The following TNKS variants were observed in gnomAD, a reference collection of about 807,000 sequenced individuals.
TNKS encodes the protein poly [ADP-ribose] polymerase tankyrase-1.
TNKS carries 72 observed loss-of-function variants against 135.8 expected under a neutral mutation model. The ratio of observed to expected loss-of-function variants is 0.53; its 90% confidence interval spans 0.44 to 0.64. The LOEUF (loss-of-function observed/expected upper bound fraction) is 0.64. TNKS is among the 30% of genes least tolerant of loss of function. The pLI is 0.00. For missense variants in TNKS, 1,769 were observed against 1,674.0 expected, an observed-to-expected ratio of 1.06 and a Z score of -0.99; for synonymous variants, 849 against 649.3, an observed-to-expected ratio of 1.31 and a Z score of -4.68.
At chr8:9,688,760 C>G (rs1399661950) in intron 5 of TNKS, among the ~76,000 whole-genome samples, 1 of 152,202 alleles carries the variant, frequency 6.6e-6, no homozygotes, top group African/African-American at 2.4e-5. Flanking sequence ...CTGCCTCAGC[C>G]TCCTGAGTAG....
intron 3 of TNKS, among the ~76,000 whole-genome samples, chr8:9,623,820 G>A (rs1799955693): frequency 6.6e-6 from 1 of 152,062 alleles, no homozygotes; most frequent in Non-Finnish European, 1.5e-5. Flanking sequence ...TGGCCAACAT[G>A]GTGAAACCCC....
intron 2 of TNKS, among the ~76,000 whole-genome samples, chr8:9,605,176 A>G (rs1022513193): frequency 2.0e-5 from 3 of 151,860 alleles, no homozygotes; most frequent in Non-Finnish European, 4.4e-5. Context: ...TCTGCAGTCA[A>G]TTTTTCTTCT....
chr8:9,655,672 A>G (rs2128783761), intron 3 of TNKS, among the ~76,000 whole-genome samples: 1 of 152,368 alleles, frequency 6.6e-6, no homozygotes, highest in Non-Finnish European at 1.5e-5. Flanking sequence ...ACAGGCCTGC[A>G]GCTGAGGGTC....
chr8:9,609,663 T>C (rs987898751), intron 2 of TNKS, among the ~76,000 whole-genome samples: 17 of 152,322 alleles, frequency 1.1e-4, no homozygotes, highest in African/African-American at 3.6e-4. Flanking sequence ...TCTTGTTAGC[T>C]CATAGATGAT....
At chr8:9,702,939 C>T (rs1803878273) in intron 5 of TNKS, among the ~76,000 whole-genome samples, 1 of 152,074 alleles carries the variant, frequency 6.6e-6, no homozygotes, top group Non-Finnish European at 1.5e-5. Flanking sequence ...TCACTTGAAC[C>T]CGGGAGGCGG....
intron 1 of TNKS, chr8:9,558,975 T>C (rs1390518156): frequency 2.6e-5 from 4 of 152,218 alleles, no homozygotes; most frequent in Non-Finnish European, 5.9e-5. Flanking sequence ...AATTGAATTG[T>C]CACGGAATAG....
intron 2 of TNKS, among the ~76,000 whole-genome samples, chr8:9,609,992 G>T (rs968280069): frequency 6.6e-6 from 1 of 152,048 alleles, no homozygotes; most frequent in Non-Finnish European, 1.5e-5. Context: ...CGAGTAGCTG[G>T]GACTACAGGC....
At chr8:9,753,635 A>T (rs1242042115) in intron 20 of TNKS, among the ~76,000 whole-genome samples, 1 of 152,222 alleles carries the variant, frequency 6.6e-6, no homozygotes, top group Non-Finnish European at 1.5e-5. Context: ...TGGACTATTG[A>T]TATACATGAA....
intron 3 of TNKS, among the ~76,000 whole-genome samples, chr8:9,654,917 C>T (rs545208895): frequency 1.8e-4 from 27 of 152,154 alleles, no homozygotes; most frequent in East Asian, 3.9e-4. Flanking sequence ...GTGGGTGCAA[C>T]GCACCATGCG....
intron 3 of TNKS, among the ~76,000 whole-genome samples, chr8:9,631,864 A>G (rs567412896): frequency 6.6e-6 from 1 of 152,236 alleles, no homozygotes; most frequent in African/African-American, 2.4e-5. Flanking sequence ...CTGAGATGGC[A>G]GTGATACATG....
chr8:9,733,464 A>C lies in TNKS; in HGVS notation c.2313+20A>C. The C allele has an allele frequency of 6.3e-7, 1 of 1,592,030 alleles. No homozygotes were observed. Among genetic ancestry groups the C allele is most frequent in the Non-Finnish European group, 8.6e-7 (1 of 1,166,296 alleles). On this transcript the variant is annotated intron_variant, in intron 15 of 26. Coordinates refer to ENST00000310430, the MANE Select transcript of TNKS (RefSeq NM_003747.3). Reference sequence around the variant, plus strand: ...TTAAAAGTATGTAGTTTAAAAAGTTATGAAATATAACTAATTTTATTTATA... The same window carrying C: ...TTAAAAGTATGTAGTTTAAAAAGTTCTGAAATATAACTAATTTTATTTATA...
chr8:9,612,607 A>G (rs4376499), intron 2 of TNKS, among the ~76,000 whole-genome samples: 15,699 of 152,230 alleles, frequency 0.1, 1,157 homozygotes, highest in East Asian at 0.23. Flanking sequence ...TATAAAATTT[A>G]AGTTTCAAAG....
intron 26 of TNKS, among the ~76,000 whole-genome samples, chr8:9,771,191 AAGGAAGTGAGGG>A (rs779680539): frequency 2.4e-4 from 33 of 140,178 alleles, no homozygotes; most frequent in African/African-American, 7.9e-5. Context: ...GAGAGGAAGG[AAGGAAGTGAGGG>A]AGGAAGAGAG....
intron 9 of TNKS, among the ~76,000 whole-genome samples, chr8:9,709,110 A>G (rs1324836828): frequency 6.6e-6 from 1 of 152,200 alleles, no homozygotes; most frequent in Non-Finnish European, 1.5e-5. Flanking sequence ...AGCATATGTG[A>G]TGCCTGCATC....
intron 3 of TNKS, chr8:9,670,820 G>C (rs1802240481): frequency 6.6e-6 from 1 of 152,050 alleles, no homozygotes; most frequent in South Asian, 2.1e-4. Context: ...GTTTTTCCAG[G>C]GTTAGTTTTT....
intron 25 of TNKS, among the ~76,000 whole-genome samples, chr8:9,766,957 A>G (rs942308079): frequency 2.6e-5 from 4 of 152,182 alleles, no homozygotes; most frequent in Non-Finnish European, 4.4e-5. Context: ...GCCTCCAGTC[A>G]CGGGTTATGA....
chr8:9,765,635 T>A, intron 23 of TNKS, 57 bp from the exon 24 acceptor site: 3 of 1,443,492 alleles, frequency 2.1e-6, no homozygotes, highest in Non-Finnish European at 2.9e-6. Flanking sequence ...TACTTTTCAT[T>A]TTAAATCATA....
At chr8:9,595,024 T>C (rs767915177) in intron 2 of TNKS, among the ~76,000 whole-genome samples, 1 of 152,222 alleles carries the variant, frequency 6.6e-6, no homozygotes, top group African/African-American at 2.4e-5. Flanking sequence ...CTTGAAAATC[T>C]GATTCACTTG....
chr8:9,719,412 G>T (rs962087163), intron 11 of TNKS, among the ~76,000 whole-genome samples: 9 of 152,170 alleles, frequency 5.9e-5, no homozygotes, highest in Admixed American at 5.9e-4. Flanking sequence ...GAAAGTCTGT[G>T]TGTAACATGC....
Sources: allele counts gnomAD v4.1 joint callset (sites outside exome capture counted in the v4.1 genomes callset), GRCh38; gene constraint gnomAD v4.1.1; transcripts MANE v1.5; gene names NCBI Gene and HGNC (gene_info 2026-07-23, HGNC 2026-07-21).